DYM: variants seen among roughly 807,000 people sequenced by gnomAD.
DYM encodes the protein dyggve-Melchior-Clausen syndrome protein.
In DYM, 78 loss-of-function variants were observed where a neutral mutation model predicts 93.1. The ratio of observed to expected loss-of-function variants is 0.84; its 90% confidence interval spans 0.70 to 1.01. The LOEUF is 1.01. DYM is among the 50% of genes least tolerant of loss of function. DYM has a pLI of 0.00. For missense variants in DYM, 789 were observed against 845.0 expected (o/e 0.93, Z 0.82); for synonymous variants, 321 against 319.7 (o/e 1.00, Z -0.04).
At chr18:49,286,748 T>C (rs567413253) in intron 8 of DYM, 132 bp from the exon 9 acceptor site, 17 of 885,332 alleles carry the variant, frequency 1.9e-5, no homozygotes, top group Middle Eastern at 3.3e-4. Context: ...ATCATGTCTA[T>C]ACATTTCACA....
chr18:49,402,416 A>G (rs1188120080), intron 2 of DYM, among the ~76,000 whole-genome samples: 1 of 151,990 alleles, frequency 6.6e-6, no homozygotes, highest in African/African-American at 2.4e-5. Context: ...TGAGATTTTT[A>G]GGGGGGAAGA....
intron 15 of DYM, 105 bp from the exon 16 acceptor site, chr18:49,119,031 G>T: frequency 1.1e-6 from 1 of 922,906 alleles, no homozygotes; most frequent in Non-Finnish European, 1.7e-6. Flanking sequence ...GCATTGGAAA[G>T]ATCATGAAGA....
intron 8 of DYM, among the ~76,000 whole-genome samples, chr18:49,304,742 C>T (rs548993440): frequency 5.3e-5 from 8 of 152,240 alleles, no homozygotes; most frequent in African/African-American, 1.4e-4. Context: ...GCAGACATCA[C>T]CATCACTCCT....
chr18:49,306,316 T>C lies in DYM; in HGVS notation c.764-19700A>G, dbSNP rs193128695. The stretch of plus-strand genomic sequence containing the variant: ...TTTTCCCCTTCTAAGGTCAGAAAAC[T>C]AGCAGGCTTAAGTCTAGGTTTTATG... On this transcript the variant is annotated intron_variant, in intron 8 of 17. Transcript: ENST00000675505. Among the ~76,000 whole-genome samples, 3 of 152,318 alleles carry C rather than the reference T, an allele frequency of 2.0e-5. No homozygotes were observed. The East Asian group carries it at 5.8e-4, about 29-fold the overall frequency.
At chr18:49,429,449 A>G (rs1308983631) in intron 2 of DYM, among the ~76,000 whole-genome samples, 2 of 152,202 alleles carry the variant, frequency 1.3e-5, no homozygotes, top group East Asian at 1.9e-4. Flanking sequence ...ATGGGAATTC[A>G]ATATTCTATT....
intron 7 of DYM, 85 bp from the exon 8 acceptor site, chr18:49,332,091 T>A: frequency 1.5e-6 from 2 of 1,355,170 alleles, no homozygotes; most frequent in Non-Finnish European, 2.1e-6. Flanking sequence ...ATTCTGCCAT[T>A]AACACTATCT....
chr18:49,302,523 G>A (rs1960848451), intron 8 of DYM, among the ~76,000 whole-genome samples: 1 of 151,934 alleles, frequency 6.6e-6, no homozygotes, highest in African/African-American at 2.4e-5. Flanking sequence ...CTAAATCAGG[G>A]GTGCTGCTTT....
At chr18:49,413,934 C>A (rs1178959954) in intron 2 of DYM, among the ~76,000 whole-genome samples, 2 of 151,952 alleles carry the variant, frequency 1.3e-5, no homozygotes, top group African/African-American at 4.8e-5. Context: ...AACTTGAACC[C>A]AGGAGGCGGA....
chr18:49,272,198 TG>T lies in DYM; in HGVS notation c.1230del (p.Phe410LeufsTer8). 1 of 1,612,354 alleles carries T rather than the reference TG, an allele frequency of 6.2e-7. No homozygotes were observed. The highest frequency in any genetic ancestry group is 8.5e-7 in the Non-Finnish European group (1 of 1,178,708). ...ILLILTEDDG[F>X]NRSIHEVILK... Reference sequence around the variant, plus strand: ...CTTACCACTTCATGAATGGATCTGTTGAAGCCATCATCTTCCGTAAGGATCA... The same window carrying T: ...CTTACCACTTCATGAATGGATCTGTTAAGCCATCATCTTCCGTAAGGATCA... On this transcript the variant is annotated frameshift_variant, in exon 11 of 18. Coordinates refer to ENST00000675505, the MANE Select transcript of DYM (RefSeq NM_001353214.3). LOFTEE classifies it high-confidence loss of function.
intron 16 of DYM, among the ~76,000 whole-genome samples, chr18:49,106,504 T>G (rs2080826971): frequency 6.6e-6 from 1 of 152,250 alleles, no homozygotes; most frequent in African/African-American, 2.4e-5. Context: ...CCAGCCTCAA[T>G]GGTCTTTACA....
intron 6 of DYM, among the ~76,000 whole-genome samples, chr18:49,337,362 C>T (rs1269567466): frequency 2.0e-5 from 3 of 152,184 alleles, no homozygotes; most frequent in Non-Finnish European, 4.4e-5. Flanking sequence ...ACCTCCCTCC[C>T]CTCCATACAT....
At chr18:49,084,602 T>C (rs905681832) in intron 17 of DYM, among the ~76,000 whole-genome samples, 2 of 152,210 alleles carry the variant, frequency 1.3e-5, no homozygotes, top group African/African-American at 4.8e-5. Flanking sequence ...TCAAGTTTTG[T>C]TTCATTTATT....
At chr18:49,336,359 G>A (rs996843605) in intron 6 of DYM, among the ~76,000 whole-genome samples, 2 of 152,118 alleles carry the variant, frequency 1.3e-5, no homozygotes, top group Non-Finnish European at 2.9e-5. Context: ...TCAGAAGTGA[G>A]AGAACAAAAA....
At chr18:49,087,526 CAA>C (rs1272966905) in intron 17 of DYM, among the ~76,000 whole-genome samples, 9 of 152,070 alleles carry the variant, frequency 5.9e-5, no homozygotes, top group African/African-American at 2.2e-4. Flanking sequence ...AATGATTAGC[CAA>C]AAGTAAATAT....
intron 14 of DYM, among the ~76,000 whole-genome samples, chr18:49,170,928 A>G (rs1452529734): frequency 6.6e-6 from 1 of 152,130 alleles, no homozygotes; most frequent in Non-Finnish European, 1.5e-5. Context: ...GAACAATTTT[A>G]AGGAGGAAAT....
chr18:49,391,128 A>G (rs751032428), intron 3 of DYM, among the ~76,000 whole-genome samples: 17 of 152,236 alleles, frequency 1.1e-4, no homozygotes, highest in Non-Finnish European at 7.3e-5. Flanking sequence ...TCCTCAATCT[A>G]TATGAGGAAA....
intron 14 of DYM, among the ~76,000 whole-genome samples, chr18:49,180,133 G>T (rs1568552365): frequency 6.6e-6 from 1 of 152,086 alleles, no homozygotes; most frequent in Non-Finnish European, 1.5e-5. Flanking sequence ...CCAGATTAAA[G>T]AATCTAATCT....
intron 8 of DYM, among the ~76,000 whole-genome samples, chr18:49,294,941 T>G (rs1232428955): frequency 1.3e-5 from 2 of 152,110 alleles, no homozygotes; most frequent in Non-Finnish European, 2.9e-5. Context: ...TGTATAAAAA[T>G]TCTGCTAGAG....
chr18:49,230,916 A>G (rs1307851822), intron 13 of DYM, among the ~76,000 whole-genome samples: 12 of 152,242 alleles, frequency 7.9e-5, no homozygotes, highest in South Asian at 2.1e-4. Flanking sequence ...AAGGCAAAAA[A>G]GAGTATTTCT....
Sources: allele counts gnomAD v4.1 joint callset (sites outside exome capture counted in the v4.1 genomes callset), GRCh38; gene constraint gnomAD v4.1.1; transcripts MANE v1.5; gene names NCBI Gene and HGNC (gene_info 2026-07-23, HGNC 2026-07-21).